The following SLC8A1 variants were observed in gnomAD, a reference collection of about 807,000 sequenced individuals.
The protein encoded by SLC8A1 is sodium/calcium exchanger 1.
A neutral mutation model predicts 68.3 loss-of-function variants in SLC8A1; 18 were observed. The ratio of observed to expected loss-of-function variants is 0.26; its 90% CI spans 0.18 to 0.39. SLC8A1 has a LOEUF of 0.39. Among genes scored for constraint, SLC8A1 ranks in the 10% least tolerant of loss-of-function variants. The probability of loss-of-function intolerance (pLI) is 1.00; values close to 1 mark genes in which losing one functional copy is unlikely to be tolerated. For synonymous variants in SLC8A1, 475 were observed against 415.5 expected (o/e 1.14, Z -1.74); for missense variants, 985 against 1,156.7 (o/e 0.85, Z 2.15).
chr2:40,205,818 A>G (rs1216607056), intron 2 of SLC8A1, among the ~76,000 whole-genome samples: 3 of 149,438 alleles, frequency 2.0e-5, no homozygotes, highest in East Asian at 2.0e-4. Context: ...AATATCTTGA[A>G]AAAAAAAAAA....
At chr2:40,170,483 G>A (rs2047281712) in intron 4 of SLC8A1, 134 bp from the exon 7 acceptor site, 2 of 727,174 alleles carry the variant, frequency 2.8e-6, no homozygotes, top group Non-Finnish European at 4.8e-6. Flanking sequence ...GGGATTCAAT[G>A]ATCATAGGTC....
chr2:40,443,700 G>A (rs1378569139), intron 1 of SLC8A1, among the ~76,000 whole-genome samples: 2 of 152,202 alleles, frequency 1.3e-5, no homozygotes, highest in East Asian at 3.9e-4. Flanking sequence ...AAAGAAATGA[G>A]TGCTGGTCTC....
At chr2:40,226,427 C>T (rs1037650669) in intron 2 of SLC8A1, among the ~76,000 whole-genome samples, 2 of 152,106 alleles carry the variant, frequency 1.3e-5, no homozygotes, top group African/African-American at 4.8e-5. Flanking sequence ...AATGTATAGA[C>T]TGCATGCAGG....
intron 1 of SLC8A1, among the ~76,000 whole-genome samples, chr2:40,442,739 C>A (rs1187428134): frequency 6.6e-6 from 1 of 152,160 alleles, no homozygotes; most frequent in Non-Finnish European, 1.5e-5. Flanking sequence ...TTTGACCTAG[C>A]AATCCCATTA....
intron 1 of SLC8A1, among the ~76,000 whole-genome samples, chr2:40,481,231 A>T (rs936000893): frequency 1.3e-5 from 2 of 152,220 alleles, no homozygotes; most frequent in African/African-American, 4.8e-5. Context: ...AAAAAAGGTG[A>T]TTAATTAGTT....
chr2:40,151,271 G>GTA (rs1418771773), intron 6 of SLC8A1, among the ~76,000 whole-genome samples: 2 of 109,904 alleles, frequency 1.8e-5, no homozygotes, highest in Non-Finnish European at 3.6e-5. Flanking sequence ...TATGGTGCGT[G>GTA]TGTGTGTGTG....
chr2:40,299,096 T>C (rs1268915072), intron 2 of SLC8A1, among the ~76,000 whole-genome samples: 1 of 152,108 alleles, frequency 6.6e-6, no homozygotes, highest in Non-Finnish European at 1.5e-5. Context: ...TTGGGGTATT[T>C]CTCACCAAGT....
At chr2:40,124,317 A>C (rs573085033) in intron 7 of SLC8A1, among the ~76,000 whole-genome samples, 2 of 152,292 alleles carry the variant, frequency 1.3e-5, no homozygotes, top group Admixed American at 6.5e-5. Flanking sequence ...TCCCCAATGG[A>C]TATCTACCTA....
chr2:40,503,310 C>T (rs551394201), intron 1 of SLC8A1, among the ~76,000 whole-genome samples: 17 of 152,116 alleles, frequency 1.1e-4, no homozygotes, highest in African/African-American at 3.9e-4. Flanking sequence ...TAGTTCTCAC[C>T]GAGCTGCTTT....
At chr2:40,462,001 C>CTTTGTTTTTTTTTTTTTTT (rs1703368005) in intron 1 of SLC8A1, among the ~76,000 whole-genome samples, 1 of 66,176 alleles carries the variant, frequency 1.5e-5, no homozygotes, top group Non-Finnish European at 2.9e-5. Context: ...TAAAATCCTC[C>CTTTGTTTTTTTTTTTTTTT]TTTTTTTTTT....
intron 2 of SLC8A1, among the ~76,000 whole-genome samples, chr2:40,379,891 T>C (rs80265914): frequency 0.025 from 3,762 of 152,200 alleles, 151 homozygotes; most frequent in African/African-American, 0.085. Context: ...AAAAACTTAA[T>C]GGCTCACTCA....
At chr2:40,213,755 AAACTAG>A (rs2057003704) in intron 2 of SLC8A1, among the ~76,000 whole-genome samples, 1 of 152,188 alleles carries the variant, frequency 6.6e-6, no homozygotes, top group Admixed American at 6.5e-5. Flanking sequence ...GGTACAACAG[AAACTAG>A]AGCTGCATCA....
At chr2:40,410,821 G>A (rs1363354168) in intron 2 of SLC8A1, among the ~76,000 whole-genome samples, 1 of 151,862 alleles carries the variant, frequency 6.6e-6, no homozygotes, top group Non-Finnish European at 1.5e-5. Context: ...CTTATCTTGT[G>A]ATACTTACCA....
chr2:40,508,587 T>C (rs976964827), intron 1 of SLC8A1, among the ~76,000 whole-genome samples: 1 of 152,162 alleles, frequency 6.6e-6, no homozygotes, highest in Non-Finnish European at 1.5e-5. Flanking sequence ...GGATTCAAGC[T>C]AAGGACTATG....
chr2:40,462,229 A>C (rs1217021723), intron 1 of SLC8A1, among the ~76,000 whole-genome samples: 1 of 150,276 alleles, frequency 6.7e-6, no homozygotes, highest in Non-Finnish European at 1.5e-5. Flanking sequence ...CTGGTCTCAA[A>C]CTCCTAACCT....
At chr2:40,387,825 T>C (rs1684040253) in intron 2 of SLC8A1, among the ~76,000 whole-genome samples, 1 of 150,802 alleles carries the variant, frequency 6.6e-6, no homozygotes, top group Non-Finnish European at 1.5e-5. Flanking sequence ...TAATCCCAGC[T>C]ACTTTGGAGC....
chr2:40,348,162 G>A (rs1190836828), intron 2 of SLC8A1, among the ~76,000 whole-genome samples: 2 of 152,152 alleles, frequency 1.3e-5, no homozygotes, highest in Non-Finnish European at 2.9e-5. Context: ...ACAACGTGGT[G>A]TGCAGAGAGA....
rs566336133 is a variant in SLC8A1, at chr2:40,121,266, G to A, written c.2438-5637C>T. 4.6e-5 allele frequency among the ~76,000 whole-genome samples: 7 copies of A among 152,230 alleles called. No homozygotes were observed. In the East Asian group the frequency reaches 7.7e-4, roughly 17 times the overall value. Reference sequence around the variant, plus strand: ...CTAGGTTGTTCTTATTTATACCAAGGCTTGAGAACCACAGTTGTAAGACAT... The same window carrying A: ...CTAGGTTGTTCTTATTTATACCAAGACTTGAGAACCACAGTTGTAAGACAT... On this transcript the variant is annotated intron_variant, in intron 7 of 7. Coordinates refer to ENST00000406785, the Ensembl canonical transcript of SLC8A1.
intron 2 of SLC8A1, among the ~76,000 whole-genome samples, chr2:40,407,953 T>G (rs1690899173): frequency 6.6e-6 from 1 of 152,180 alleles, no homozygotes; most frequent in African/African-American, 2.4e-5. Flanking sequence ...CAGTTTGCAT[T>G]TATTCACTCA....
Sources: allele counts gnomAD v4.1 joint callset (sites outside exome capture counted in the v4.1 genomes callset), GRCh38; gene constraint gnomAD v4.1.1; transcripts MANE v1.5; gene names NCBI Gene and HGNC (gene_info 2026-07-23, HGNC 2026-07-21).